The following PPP1R12A variants were observed in gnomAD, a reference collection of about 807,000 sequenced individuals.
PPP1R12A encodes myosin binding subunit.
Under a neutral mutation model 139.6 loss-of-function variants are expected in PPP1R12A, and 19 were observed. That is an observed-to-expected ratio of 0.14 (90% CI 0.09 to 0.20). The LOEUF is 0.20. Among genes scored for constraint, PPP1R12A ranks in the 10% least tolerant of loss-of-function variants. The pLI, the probability that PPP1R12A is intolerant of heterozygous loss-of-function variation, is 1.00. For synonymous variants in PPP1R12A, 427 were observed against 420.6 expected (o/e 1.02, Z -0.19); for missense variants, 925 against 1,211.5 (o/e 0.76, Z 3.51).
rs1226153724 is a variant in PPP1R12A at position 79,796,923 on chromosome 12, T to C, written c.2320A>G (p.Thr774Ala). The stretch of plus-strand genomic sequence containing the variant: ...GAGGATGGAGTGGTTGAACTTGAAG[T>C]TGATACTGGCCTATAACGCTGGTAA... ...ETYQRYRPVS[T>A]SSSTTPSSSL... Residue 774 changes from threonine to alanine, a missense_variant, in exon 17 of 25, where the codon ACT becomes GCT. Physicochemically the swap from Thr to Ala is moderately conservative, Grantham distance 58. Coordinates refer to ENST00000450142, the MANE Select transcript of PPP1R12A (RefSeq NM_002480.3). 1.6e-5 allele frequency: 26 copies of C among 1,612,614 alleles called. No homozygotes were observed. The highest frequency in any genetic ancestry group is 2.1e-5 in the Non-Finnish European group (25 of 1,179,258).
rs553081857 is a variant in PPP1R12A, at chr12:79,920,483, T to C, written c.237+14212A>G. Among the ~76,000 whole-genome samples, 22 of 152,306 alleles carry C rather than the reference T, an allele frequency of 1.4e-4. No homozygotes were observed. In the South Asian group the frequency reaches 4.6e-3, roughly 32 times the overall value. On this transcript the variant is annotated intron_variant, in intron 1 of 24. Transcript: ENST00000450142. Reference sequence around the variant, plus strand: ...TCTTACTATTACCACCAGCAGTGCATGAGGGTTCCAATTTCTCCATATCTG... The same window carrying C: ...TCTTACTATTACCACCAGCAGTGCACGAGGGTTCCAATTTCTCCATATCTG...
At chr12:79,934,020 G>A (rs61952087) in intron 1 of PPP1R12A, among the ~76,000 whole-genome samples, 113,770 of 151,874 alleles carry the variant, frequency 0.75, 45,628 homozygotes, top group Non-Finnish European at 0.92. Flanking sequence ...GTCCGGAGGT[G>A]GGCAAGCCCT....
At chr12:79,935,190 C>G, upstream of PPP1R12A, 1 of 1,322,698 alleles carries the variant, frequency 7.6e-7, no homozygotes, top group Non-Finnish European at 9.6e-7. Flanking sequence ...GCCAATCTAA[C>G]GTAACTTCGC....
chr12:79,935,289 G>T (rs1203457966), upstream of PPP1R12A: 3 of 1,064,730 alleles, frequency 2.8e-6, no homozygotes, highest in Non-Finnish European at 3.4e-6. Context: ...GCGAACTGCG[G>T]CGGTGGTGGC....
intron 1 of PPP1R12A, among the ~76,000 whole-genome samples, chr12:79,910,237 TAGG>T (rs1015149589): frequency 5.0e-4 from 76 of 152,106 alleles, no homozygotes; most frequent in Middle Eastern, 6.8e-3. Context: ...CCCAGCACTT[TAGG>T]AGGATGAGGT....
At chr12:79,842,772 C>G (rs1158256639) in intron 3 of PPP1R12A, among the ~76,000 whole-genome samples, 2 of 151,986 alleles carry the variant, frequency 1.3e-5, no homozygotes, top group East Asian at 3.9e-4. Context: ...GTGATGTGAT[C>G]AGATCACTGC....
intron 2 of PPP1R12A, among the ~76,000 whole-genome samples, chr12:79,871,735 CAGGA>C (rs1882593145): frequency 6.6e-6 from 1 of 151,800 alleles, no homozygotes; most frequent in Non-Finnish European, 1.5e-5. Context: ...TTCTGTTGAG[CAGGA>C]AAAGTCCAAA....
Position 79,934,971 on chromosome 12 carries a change from G to T in PPP1R12A, c.-40C>A, listed in dbSNP as rs751637730. The T allele has an allele frequency of 6.5e-6, 10 of 1,544,036 alleles. No individual in the cohort carries two copies. Among genetic ancestry groups the T allele is most frequent in the South Asian group, 3.6e-5 (3 of 83,104 alleles). On this transcript the variant is annotated 5_prime_UTR_variant, in exon 1 of 25. Coordinates refer to ENST00000450142, the MANE Select transcript of PPP1R12A (RefSeq NM_002480.3). The stretch of plus-strand genomic sequence containing the variant: ...CCGGGTCTTCTTATCGCGAGGGGGG[G>T]AAGGGGGAGGCGGAGAGGGAAGAGA...
chr12:79,812,919 A>G (rs914699318), intron 9 of PPP1R12A, among the ~76,000 whole-genome samples: 1 of 152,132 alleles, frequency 6.6e-6, no homozygotes. Flanking sequence ...CCTCTCCTTT[A>G]TAAGCCCAGA....
At position 79,859,726 on chromosome 12, in the gene PPP1R12A, G is replaced by A. The variant is rs79868248; in HGVS notation, c.368+13082C>T. ...TTGAGACCACCCCGGAAAACACAGC[G>A]AGACTCTGTCTCTACAAAAATAAAA... On this transcript the variant is annotated intron_variant, in intron 2 of 24. Transcript: ENST00000450142. 8.0e-3 allele frequency among the ~76,000 whole-genome samples: 1,215 copies of A among 152,124 alleles called. 8 individuals carry two copies. The highest frequency in any genetic ancestry group is 0.011 in the Non-Finnish European group (753 of 68,000).
At position 79,855,709 on chromosome 12, in the gene PPP1R12A, A is replaced by T. The variant is rs549061593; in HGVS notation, c.369-10289T>A. On this transcript the variant is annotated intron_variant, in intron 2 of 24. Coordinates refer to ENST00000450142, the MANE Select transcript of PPP1R12A (RefSeq NM_002480.3). ...AAACACAAAATTATTTCTGCAAAAA[A>T]AAAACAAACCACACATTTACAGTTA... 2.0e-5 allele frequency among the ~76,000 whole-genome samples: 3 copies of T among 152,282 alleles called. No homozygotes were observed. The East Asian group carries it at 5.8e-4, about 29-fold the overall frequency.
intron 14 of PPP1R12A, among the ~76,000 whole-genome samples, chr12:79,802,051 T>C (rs1433270100): frequency 6.6e-6 from 1 of 152,194 alleles, no homozygotes; most frequent in Non-Finnish European, 1.5e-5. Flanking sequence ...GAATAACTAA[T>C]AATCTTGTTA....
chr12:79,809,707 A>T, intron 10 of PPP1R12A, 88 bp downstream of exon 10: 1 of 1,013,558 alleles, frequency 9.9e-7, no homozygotes, highest in Non-Finnish European at 1.5e-6. Flanking sequence ...AGATCTAAAG[A>T]TAACTAGCAG....
intron 1 of PPP1R12A, among the ~76,000 whole-genome samples, chr12:79,894,669 T>C (rs1325502079): frequency 2.6e-5 from 4 of 152,196 alleles, no homozygotes; most frequent in Non-Finnish European, 5.9e-5. Flanking sequence ...AGTCTTTTAT[T>C]GGAAATCTTC....
intron 1 of PPP1R12A, among the ~76,000 whole-genome samples, chr12:79,922,537 G>A (rs1887518482): frequency 1.3e-5 from 2 of 152,120 alleles, no homozygotes; most frequent in African/African-American, 4.8e-5. Context: ...GTCCTTTGCA[G>A]GGACATGGAT....
chr12:79,932,052 CT>C (rs1257129632), intron 1 of PPP1R12A, among the ~76,000 whole-genome samples: 3 of 152,220 alleles, frequency 2.0e-5, no homozygotes, highest in East Asian at 3.9e-4. Flanking sequence ...AAACTTTTCT[CT>C]TGACAATGAA....
chr12:79,930,821 G>GT (rs1350087013), intron 1 of PPP1R12A, among the ~76,000 whole-genome samples: 2 of 152,158 alleles, frequency 1.3e-5, no homozygotes, highest in Non-Finnish European at 2.9e-5. Context: ...TAGGTTGCCA[G>GT]TAAAAAGTGG....
intron 4 of PPP1R12A, among the ~76,000 whole-genome samples, chr12:79,829,761 T>C (rs943109558): frequency 6.6e-6 from 1 of 152,088 alleles, no homozygotes; most frequent in African/African-American, 2.4e-5. Context: ...TTAGGAAATA[T>C]GAACAATAAT....
At chr12:79,930,687 G>A (rs1348429421) in intron 1 of PPP1R12A, among the ~76,000 whole-genome samples, 4 of 152,070 alleles carry the variant, frequency 2.6e-5, no homozygotes, top group Non-Finnish European at 5.9e-5. Context: ...CAGGAGAATC[G>A]CTCGAATCCG....
Sources: gnomAD v4.1 joint callset for allele counts (sites outside exome capture counted in the v4.1 genomes callset) on GRCh38, gnomAD v4.1.1 for gene constraint, MANE v1.5 for transcripts, NCBI Gene and HGNC (gene_info 2026-07-23, HGNC 2026-07-21) for gene names.